CLUL1: variants seen among roughly 807,000 people sequenced by gnomAD.
CLUL1 encodes the protein clusterin like 1.
A neutral mutation model predicts 49.4 loss-of-function variants in CLUL1; 43 were observed. That is an observed-to-expected ratio of 0.87 (90% CI 0.68 to 1.12). The LOEUF (loss-of-function observed/expected upper bound fraction) is 1.12, where lower values mean the gene tolerates loss of function less well. Ranked by LOEUF, CLUL1 falls within the 50% of genes most tolerant of loss-of-function variation. The probability of loss-of-function intolerance (pLI) is 0.00; values close to 1 mark genes in which losing one functional copy is unlikely to be tolerated. For synonymous variants in CLUL1, 192 were observed against 184.9 expected, an observed-to-expected ratio of 1.04 and a Z score of -0.31; for missense variants, 486 against 544.4, an observed-to-expected ratio of 0.89 and a Z score of 1.07.
chr18:598,303 T>C (rs1244542521), intron 1 of CLUL1: 2 of 369,262 alleles, frequency 5.4e-6, no homozygotes, highest in Non-Finnish European at 9.6e-6. Context: ...TCACTTAAAC[T>C]TTGCGTGACC....
chr18:615,669 C>T (rs1024193962), intron 2 of CLUL1, among the ~76,000 whole-genome samples: 2 of 152,176 alleles, frequency 1.3e-5, no homozygotes, highest in Non-Finnish European at 2.9e-5. Context: ...CAGGATAGGA[C>T]ACATCTGTTT....
At chr18:634,076 A>T (rs1463382925) in intron 7 of CLUL1, among the ~76,000 whole-genome samples, 1 of 152,256 alleles carries the variant, frequency 6.6e-6, no homozygotes, top group East Asian at 1.9e-4. Flanking sequence ...TCCTCCAAGC[A>T]CTTTTTTGCA....
chr18:632,661 C>T (rs1269570916), intron 6 of CLUL1, among the ~76,000 whole-genome samples: 1 of 152,140 alleles, frequency 6.6e-6, no homozygotes, highest in Admixed American at 6.6e-5. Context: ...ACCTTATCAA[C>T]TCCCTCTTCT....
At chr18:622,799 C>T (rs1208043776) in intron 4 of CLUL1, among the ~76,000 whole-genome samples, 1 of 152,154 alleles carries the variant, frequency 6.6e-6, no homozygotes, top group Non-Finnish European at 1.5e-5. Flanking sequence ...GCTTGTTTAG[C>T]TCATTTAATG....
chr18:641,336 A>T lies in CLUL1; in HGVS notation c.1004A>T (p.Asp335Val). Reference sequence around the variant, plus strand: ...CTTTCTTCTCTGCTAGACTGTCCTGATGTACCTGCTCTGCACACAGAATTA... The same window carrying T: ...CTTTCTTCTCTGCTAGACTGTCCTGTTGTACCTGCTCTGCACACAGAATTA... ...CQAHLSEDCP[D>V]VPALHTELDE... The change falls in exon 8 of 10, where the codon GAT (aspartate) becomes GTT (valine). Residue 335 changes from aspartate to valine, a missense_variant. Coordinates refer to ENST00000692774, the MANE Select transcript of CLUL1 (RefSeq NM_001393344.1). The T allele has an allele frequency of 6.2e-7, 1 of 1,614,138 alleles. No individual in the cohort carries two copies.
chr18:645,804 AAAAAAAATATATATATATAT>A (rs2074470064), intron 9 of CLUL1, among the ~76,000 whole-genome samples: 1 of 48,670 alleles, frequency 2.1e-5, no homozygotes, highest in African/African-American at 8.7e-5. Context: ...AAAAAAAAAA[AAAAAAAATATATATATATAT>A]ATATATATAT....
intron 9 of CLUL1, among the ~76,000 whole-genome samples, chr18:645,807 AAAAATATAT>A (rs1362831704): frequency 6.4e-4 from 44 of 69,128 alleles, no homozygotes; most frequent in African/African-American, 2.6e-3. Flanking sequence ...AAAAAAAAAA[AAAAATATAT>A]ATATATATAT....
chr18:605,215 C>T (rs1003320771), intron 1 of CLUL1, among the ~76,000 whole-genome samples: 6 of 152,184 alleles, frequency 3.9e-5, no homozygotes, highest in Non-Finnish European at 1.5e-5. Flanking sequence ...TGTTTGGGCT[C>T]CTATTCTACA....
intron 9 of CLUL1, among the ~76,000 whole-genome samples, chr18:649,027 T>G (rs1259150697): frequency 6.6e-6 from 1 of 152,190 alleles, no homozygotes; most frequent in Non-Finnish European, 1.5e-5. Context: ...TTTTATGGTT[T>G]TTTATTATTC....
At position 617,692 on chromosome 18, in the gene CLUL1, T is replaced by C. The variant is rs563049288; in HGVS notation, c.-13-296T>C. ...TTCGAGATGTTTACAAAATGAAGCT[T>C]GGACTCTGAGAGGATGTGATCTATC... On this transcript the variant is annotated intron_variant, in intron 2 of 9. Coordinates refer to ENST00000692774, the MANE Select transcript of CLUL1 (RefSeq NM_001393344.1). Among the ~76,000 whole-genome samples the C allele has an allele frequency of 3.3e-5, 5 of 152,262 alleles. No individual in the cohort carries two copies. In the East Asian group the frequency reaches 9.6e-4, roughly 29 times the overall value.
intron 2 of CLUL1, among the ~76,000 whole-genome samples, chr18:609,447 G>C (rs956002344): frequency 7.9e-5 from 12 of 152,110 alleles, no homozygotes; most frequent in Admixed American, 7.2e-4. Context: ...GGAATAAATT[G>C]TGTATTATGT....
chr18:635,884 G>C (rs1442751406), intron 7 of CLUL1, among the ~76,000 whole-genome samples: 1 of 151,974 alleles, frequency 6.6e-6, no homozygotes, highest in African/African-American at 2.4e-5. Context: ...TTACAGGCAC[G>C]CGCCACCATA....
chr18:636,393 G>A (rs776403294), intron 7 of CLUL1, among the ~76,000 whole-genome samples: 2 of 146,114 alleles, frequency 1.4e-5, no homozygotes, highest in Non-Finnish European at 3.0e-5. Context: ...CAAGGAGCCT[G>A]TAAATTACAT....
At chr18:601,690 T>C (rs2143917129) in intron 1 of CLUL1, among the ~76,000 whole-genome samples, 1 of 150,346 alleles carries the variant, frequency 6.7e-6, no homozygotes. Context: ...ATGCCTGTAA[T>C]CCCAGCTACC....
intron 2 of CLUL1, chr18:613,407 G>A (rs1241775579): frequency 3.9e-6 from 1 of 253,658 alleles, no homozygotes; most frequent in Non-Finnish European, 7.4e-6. Context: ...CAAAGTGTTG[G>A]GATTACAGGC....
At chr18:626,864 T>TAAATAAATA (rs555005092) in intron 5 of CLUL1, among the ~76,000 whole-genome samples, 3 of 70,798 alleles carry the variant, frequency 4.2e-5, no homozygotes, top group Admixed American at 2.3e-4. Flanking sequence ...CCATCTCAAA[T>TAAATAAATA]AAGAAAGAAA....
At chr18:607,533 G>A (rs779843270) in intron 2 of CLUL1, among the ~76,000 whole-genome samples, 15 of 152,120 alleles carry the variant, frequency 9.9e-5, no homozygotes, top group Non-Finnish European at 1.5e-4. Flanking sequence ...TCCTGGGTTC[G>A]AGTGAGCCTT....
chr18:649,727 C>T, intron 9 of CLUL1, 171 bp from the exon 10 acceptor site: 1 of 528,052 alleles, frequency 1.9e-6, no homozygotes, highest in Middle Eastern at 2.9e-4. Flanking sequence ...TAAGAATATC[C>T]ATGCATATGG....
intron 7 of CLUL1, among the ~76,000 whole-genome samples, chr18:635,653 A>G (rs993954927): frequency 1.3e-5 from 2 of 151,786 alleles, no homozygotes; most frequent in African/African-American, 2.4e-5. Flanking sequence ...AACAAAAAGC[A>G]TGGTCAGTGG....
Sources: allele counts gnomAD v4.1 joint callset (sites outside exome capture counted in the v4.1 genomes callset), GRCh38; gene constraint gnomAD v4.1.1; transcripts MANE v1.5; gene names NCBI Gene and HGNC (gene_info 2026-07-23, HGNC 2026-07-21).